Variants in NLGN1 observed in about 807,000 individuals in gnomAD.
The protein encoded by NLGN1 is neuroligin 1, also known as neuroligin-1.
NLGN1 carries 12 observed loss-of-function variants against 65.5 expected under a neutral mutation model. The ratio of observed to expected loss-of-function variants is 0.18; its 90% CI spans 0.12 to 0.30. The LOEUF (loss-of-function observed/expected upper bound fraction) is 0.30. NLGN1 is among the 10% of genes least tolerant of loss of function. The probability of loss-of-function intolerance (pLI) is 1.00; values close to 1 mark genes in which losing one functional copy is unlikely to be tolerated. For synonymous variants in NLGN1, 350 were observed against 359.5 expected (o/e 0.97, Z 0.30); for missense variants, 750 against 1,007.1 (o/e 0.74, Z 3.46).
chr3:174,043,169 C>T (rs780775925), intron 4 of NLGN1, among the ~76,000 whole-genome samples: 2 of 152,136 alleles, frequency 1.3e-5, no homozygotes, highest in Non-Finnish European at 2.9e-5. Context: ...CCACCTGATC[C>T]CTCCCACGAC....
chr3:174,165,790 A>C (rs1255758908), intron 4 of NLGN1, among the ~76,000 whole-genome samples: 1 of 151,844 alleles, frequency 6.6e-6, no homozygotes, highest in East Asian at 1.9e-4. Flanking sequence ...TCTTCCTTAT[A>C]TTTCTGGTAA....
Position 174,105,697 on chromosome 3 carries a change from A to G in NLGN1, c.647-169618A>G, listed in dbSNP as rs1429789142. Among the ~76,000 whole-genome samples, 4 of 151,942 alleles carry G rather than the reference A, an allele frequency of 2.6e-5. No individual in the cohort carries two copies. The South Asian group carries it at 6.2e-4, about 24-fold the overall frequency. On this transcript the variant is annotated intron_variant, in intron 4 of 6. Coordinates refer to ENST00000457714, the Ensembl canonical transcript of NLGN1. ...ACATAATATCTATATGTAGATATAG[A>G]TATCTATATCTATATCTAGATATAT...
At chr3:174,100,127 A>G (rs575596096) in intron 4 of NLGN1, among the ~76,000 whole-genome samples, 1 of 152,260 alleles carries the variant, frequency 6.6e-6, no homozygotes, top group South Asian at 2.1e-4. Flanking sequence ...ACTTCCTTAA[A>G]TATTTCAGAG....
At chr3:173,598,140 C>T (rs1749807759) in intron 2 of NLGN1, among the ~76,000 whole-genome samples, 1 of 152,070 alleles carries the variant, frequency 6.6e-6, no homozygotes, top group Non-Finnish European at 1.5e-5. Context: ...ACTTTAATTA[C>T]AACTTGATAC....
intron 4 of NLGN1, among the ~76,000 whole-genome samples, chr3:174,190,614 C>A (rs914936474): frequency 6.6e-6 from 1 of 151,852 alleles, no homozygotes; most frequent in Non-Finnish European, 1.5e-5. Flanking sequence ...TAACTATGTT[C>A]ATCAAAATTG....
At chr3:173,468,768 T>C (rs912045080) in intron 2 of NLGN1, among the ~76,000 whole-genome samples, 8 of 152,040 alleles carry the variant, frequency 5.3e-5, no homozygotes, top group Non-Finnish European at 8.8e-5. Flanking sequence ...TTTTAAAAAA[T>C]AGCACATCTA....
chr3:173,943,206 G>A (rs933169161), intron 4 of NLGN1, among the ~76,000 whole-genome samples: 35 of 150,334 alleles, frequency 2.3e-4, no homozygotes, highest in African/African-American at 8.6e-4. Flanking sequence ...CAGCCTGGGG[G>A]ACAGAAGACC....
At chr3:173,668,001 T>G (rs989852248) in intron 3 of NLGN1, among the ~76,000 whole-genome samples, 11 of 152,216 alleles carry the variant, frequency 7.2e-5, no homozygotes, top group African/African-American at 2.4e-4. Flanking sequence ...TATGTCTCAT[T>G]CATTCATGCG....
At chr3:173,618,449 G>A (rs1002695703) in intron 3 of NLGN1, among the ~76,000 whole-genome samples, 7 of 151,926 alleles carry the variant, frequency 4.6e-5, no homozygotes, top group Non-Finnish European at 8.8e-5. Context: ...CTCCTTCCTC[G>A]GGCTCCCAAA....
chr3:174,225,866 CATTACA>C (rs1054802099), intron 4 of NLGN1, among the ~76,000 whole-genome samples: 1 of 151,986 alleles, frequency 6.6e-6, no homozygotes, highest in African/African-American at 2.4e-5. Context: ...GGTTTTGCAT[CATTACA>C]ATTAAACTCT....
At chr3:173,472,337 T>G (rs1725451788) in intron 2 of NLGN1, among the ~76,000 whole-genome samples, 1 of 152,166 alleles carries the variant, frequency 6.6e-6, no homozygotes, top group African/African-American at 2.4e-5. Context: ...ATTTTTATCC[T>G]TAGTCATAAT....
intron 3 of NLGN1, among the ~76,000 whole-genome samples, chr3:173,670,951 T>A (rs1160962750): frequency 1.3e-5 from 2 of 152,172 alleles, no homozygotes; most frequent in East Asian, 3.9e-4. Flanking sequence ...ACCTAAAAAG[T>A]GCATAGGTAA....
At chr3:173,692,670 G>A (rs999074041) in intron 3 of NLGN1, among the ~76,000 whole-genome samples, 3 of 152,016 alleles carry the variant, frequency 2.0e-5, no homozygotes, top group Non-Finnish European at 4.4e-5. Context: ...TACGCAGAAG[G>A]CTACAGAACC....
chr3:173,745,721 G>C (rs763536883), intron 3 of NLGN1, among the ~76,000 whole-genome samples: 14 of 152,080 alleles, frequency 9.2e-5, no homozygotes, highest in Admixed American at 2.0e-4. Context: ...TAGGTGTTTG[G>C]ATGCAATATG....
At chr3:173,856,210 GT>G (rs1187386243) in intron 4 of NLGN1, among the ~76,000 whole-genome samples, 1 of 152,106 alleles carries the variant, frequency 6.6e-6, no homozygotes, top group Admixed American at 6.6e-5. Flanking sequence ...TCTAGGGACT[GT>G]TGTTGCAACA....
intron 4 of NLGN1, among the ~76,000 whole-genome samples, chr3:174,052,960 A>C (rs139090823): frequency 0.016 from 2,452 of 152,136 alleles, 30 homozygotes; most frequent in Middle Eastern, 0.031. Context: ...ATGTTTTACA[A>C]CTAGCTAATT....
At chr3:173,948,391 G>A (rs939570798) in intron 4 of NLGN1, among the ~76,000 whole-genome samples, 5 of 152,170 alleles carry the variant, frequency 3.3e-5, no homozygotes, top group African/African-American at 1.2e-4. Flanking sequence ...CATGTGTTTT[G>A]TTGATTTGCA....
At chr3:174,278,701 C>T (rs1256150316) in intron 5 of NLGN1, among the ~76,000 whole-genome samples, 160 bp from the exon 6 acceptor site, 5 of 151,928 alleles carry the variant, frequency 3.3e-5, no homozygotes, top group Admixed American at 6.6e-5. Context: ...TTATACCCTG[C>T]GGTTGGCTTT....
At chr3:173,494,147 G>GTGTA (rs1378653823) in intron 2 of NLGN1, among the ~76,000 whole-genome samples, 1 of 149,988 alleles carries the variant, frequency 6.7e-6, no homozygotes, top group Non-Finnish European at 1.5e-5. Flanking sequence ...GTGTGTGTGT[G>GTGTA]TGCGCGTGCA....
Sources: allele counts gnomAD v4.1 joint callset (sites outside exome capture counted in the v4.1 genomes callset), GRCh38; gene constraint gnomAD v4.1.1; transcripts MANE v1.5; gene names NCBI Gene and HGNC (gene_info 2026-07-23, HGNC 2026-07-21).